Variants in BCKDHB observed in about 807,000 individuals in gnomAD.
BCKDHB encodes branched chain keto acid dehydrogenase E1 subunit beta.
Under a neutral mutation model 48.5 loss-of-function variants are expected in BCKDHB, and 41 were observed. The observed-to-expected ratio is 0.85, with a 90% CI of 0.66 to 1.10. BCKDHB has a LOEUF of 1.10. BCKDHB is among the 50% of genes least tolerant of loss of function. The pLI, the probability that BCKDHB is intolerant of heterozygous loss-of-function variation, is 0.00. For missense variants in BCKDHB, 496 were observed against 494.2 expected (o/e 1.00, Z -0.03); for synonymous variants, 201 against 174.8 (o/e 1.15, Z -1.18).
intron 8 of BCKDHB, among the ~76,000 whole-genome samples, chr6:80,226,173 A>G (rs986238566): frequency 2.6e-5 from 4 of 152,226 alleles, no homozygotes; most frequent in Non-Finnish European, 4.4e-5. Context: ...TTAACATTTC[A>G]CTGCATTGTG....
intron 3 of BCKDHB, among the ~76,000 whole-genome samples, chr6:80,162,717 C>T (rs950081849): frequency 1.3e-5 from 2 of 151,680 alleles, no homozygotes; most frequent in African/African-American, 2.4e-5. Flanking sequence ...TGGGCGTGGT[C>T]GTGGGCGCCT....
the BCKDHB span, among the ~76,000 whole-genome samples, chr6:80,392,655 T>G: frequency 4.6e-5 from 7 of 151,804 alleles, no homozygotes; most frequent in African/African-American, 1.7e-4. Flanking sequence ...CTTGTAATTT[T>G]TTTGATGCTA....
chr6:80,109,204 T>A (rs1769288109), intron 1 of BCKDHB, among the ~76,000 whole-genome samples: 1 of 152,208 alleles, frequency 6.6e-6, no homozygotes, highest in Admixed American at 6.5e-5. Context: ...CCTCAGTTTC[T>A]TTATATGTAA....
intron 9 of BCKDHB, among the ~76,000 whole-genome samples, chr6:80,343,343 T>A (rs1208127863): frequency 6.6e-6 from 1 of 152,238 alleles, no homozygotes; most frequent in East Asian, 1.9e-4. Context: ...CAGAGTTAAC[T>A]ACTGTGAACA....
In BCKDHB at chr6:80,135,624, T is replaced by C. The variant is rs9448898; in HGVS notation, c.343+6395T>C. Among the ~76,000 whole-genome samples, 3 of 152,088 alleles carry C rather than the reference T, an allele frequency of 2.0e-5. No individual in the cohort carries two copies. The East Asian group carries it at 5.8e-4, about 29-fold the overall frequency. ...TGAACATGTTTAATATGCCTTTTTT[T>C]CCCCACAGTGCTTTTTTCACAAACA... On this transcript the variant is annotated intron_variant, in intron 3 of 9. Transcript: ENST00000320393.
At chr6:80,123,870 C>T (rs4706112) in intron 1 of BCKDHB, among the ~76,000 whole-genome samples, 2 of 152,262 alleles carry the variant, frequency 1.3e-5, no homozygotes, top group East Asian at 3.9e-4. Context: ...TTTTTTTGAA[C>T]GGTTTTTTTG....
intron 8 of BCKDHB, among the ~76,000 whole-genome samples, chr6:80,205,823 TGTGTGTGTGTGTAG>T (rs1303895028): frequency 4.7e-5 from 7 of 147,952 alleles, no homozygotes; most frequent in African/African-American, 7.5e-5. Flanking sequence ...TGTGTGTGTG[TGTGTGTGTGTGTAG>T]GTGGATTGGC....
At chr6:80,224,212 A>G (rs932387223) in intron 8 of BCKDHB, among the ~76,000 whole-genome samples, 5 of 152,094 alleles carry the variant, frequency 3.3e-5, no homozygotes, top group Non-Finnish European at 7.4e-5. Flanking sequence ...ATGGGACTCT[A>G]ATGCTCCTTC....
At chr6:80,152,362 G>T (rs1431632696) in intron 3 of BCKDHB, among the ~76,000 whole-genome samples, 2 of 152,046 alleles carry the variant, frequency 1.3e-5, no homozygotes, top group Non-Finnish European at 2.9e-5. Context: ...TTTCTTACAT[G>T]ACAAGACTGT....
At chr6:80,427,129 A>T in the BCKDHB span, among the ~76,000 whole-genome samples, 7 of 152,058 alleles carry the variant, frequency 4.6e-5, no homozygotes, top group African/African-American at 1.7e-4. Flanking sequence ...CATTCTAAAA[A>T]TGACCTTCAT....
the BCKDHB span, among the ~76,000 whole-genome samples, chr6:80,422,633 A>G: frequency 6.6e-6 from 1 of 152,214 alleles, no homozygotes; most frequent in East Asian, 1.9e-4. Context: ...CACTTCTTGC[A>G]TCAGTGTGCC....
chr6:80,409,844 T>A, the BCKDHB span, among the ~76,000 whole-genome samples: 4 of 151,774 alleles, frequency 2.6e-5, no homozygotes, highest in Admixed American at 2.6e-4. Flanking sequence ...GTCTCCTGAA[T>A]ACAGCACTCT....
chr6:80,433,857 T>G, the BCKDHB span, among the ~76,000 whole-genome samples: 1 of 152,262 alleles, frequency 6.6e-6, no homozygotes, highest in Non-Finnish European at 1.5e-5. Context: ...GGAATCATTA[T>G]GTTTTTTGAA....
intron 8 of BCKDHB, among the ~76,000 whole-genome samples, chr6:80,260,389 ATT>A (rs1264417769): frequency 2.0e-5 from 3 of 152,160 alleles, no homozygotes; most frequent in Non-Finnish European, 4.4e-5. Flanking sequence ...ACTACAAATT[ATT>A]GGGTCTCTTG....
At chr6:80,433,417 T>C in the BCKDHB span, among the ~76,000 whole-genome samples, 1 of 152,120 alleles carries the variant, frequency 6.6e-6, no homozygotes, top group South Asian at 2.1e-4. Flanking sequence ...TGCCGTTGGC[T>C]CCACCCAGTT....
At chr6:80,379,113 G>A in the BCKDHB span, among the ~76,000 whole-genome samples, 1 of 151,934 alleles carries the variant, frequency 6.6e-6, no homozygotes, top group Non-Finnish European at 1.5e-5. Context: ...TCAGCCTGAT[G>A]TGAAAAATCA....
At chr6:80,412,595 A>G in the BCKDHB span, among the ~76,000 whole-genome samples, 1 of 152,182 alleles carries the variant, frequency 6.6e-6, no homozygotes, top group African/African-American at 2.4e-5. Context: ...GAATTTGACT[A>G]TATACTTACC....
At chr6:80,411,340 T>A in the BCKDHB span, among the ~76,000 whole-genome samples, 2 of 152,162 alleles carry the variant, frequency 1.3e-5, no homozygotes, top group East Asian at 3.9e-4. Context: ...GGAAGCTTCA[T>A]CCCAGAGGGG....
At chr6:80,117,506 C>T (rs2127713677) in intron 1 of BCKDHB, among the ~76,000 whole-genome samples, 1 of 152,278 alleles carries the variant, frequency 6.6e-6, no homozygotes, top group Non-Finnish European at 1.5e-5. Flanking sequence ...AAACTGGCCC[C>T]AAAACTGGCC....
Sources: allele counts gnomAD v4.1 joint callset (sites outside exome capture counted in the v4.1 genomes callset), GRCh38; gene constraint gnomAD v4.1.1; transcripts MANE v1.5; gene names NCBI Gene and HGNC (gene_info 2026-07-23, HGNC 2026-07-21).